The following NIPSNAP3B variants were observed in gnomAD, a reference collection of about 807,000 sequenced individuals.
The protein encoded by NIPSNAP3B is nipsnap homolog 3B.
NIPSNAP3B carries 30 observed loss-of-function variants against 31.5 expected under a neutral mutation model. The ratio of observed to expected loss-of-function variants is 0.95; its 90% CI spans 0.71 to 1.29. The LOEUF (loss-of-function observed/expected upper bound fraction) is 1.29, where lower values mean the gene tolerates loss of function less well. NIPSNAP3B is among the 50% of genes most tolerant of loss of function. The pLI is 0.00. For missense variants in NIPSNAP3B, 269 were observed against 300.7 expected (o/e 0.89, Z 0.78); for synonymous variants, 106 against 107.9 (o/e 0.98, Z 0.11).
downstream of NIPSNAP3B, among the ~76,000 whole-genome samples, chr9:104,780,544 G>A (rs1280512483): frequency 1.3e-5 from 2 of 152,202 alleles, no homozygotes; most frequent in Non-Finnish European, 2.9e-5. Context: ...TATCATTTCT[G>A]TTTCCATATC....
At chr9:104,764,390 G>A in intron 1 of NIPSNAP3B, 90 bp downstream of exon 1, 1 of 1,197,126 alleles carries the variant, frequency 8.4e-7, no homozygotes, top group Non-Finnish European at 1.1e-6. Context: ...ACGCTCAGGC[G>A]CTCCCAGACC....
At chr9:104,788,018 T>G in the NIPSNAP3B span, 1 of 1,614,178 alleles carries the variant, frequency 6.2e-7, no homozygotes. Flanking sequence ...TCTCCATACT[T>G]CACGAGGCCC....
the NIPSNAP3B span, among the ~76,000 whole-genome samples, chr9:104,790,105 A>AAC: frequency 6.6e-6 from 1 of 152,010 alleles, no homozygotes; most frequent in African/African-American, 2.4e-5. Context: ...TCAAAAAAAA[A>AAC]AAAGCCCAGA....
downstream of NIPSNAP3B, among the ~76,000 whole-genome samples, chr9:104,779,378 T>C (rs1035057444): frequency 6.6e-6 from 1 of 152,184 alleles, no homozygotes; most frequent in Non-Finnish European, 1.5e-5. Flanking sequence ...AATAAATATT[T>C]GTTAAATTAA....
Position 104,777,153 on chromosome 9 carries a change from C to A in NIPSNAP3B, c.*4080C>A, listed in dbSNP as rs575441928. ...GAAGAGAAACAGATATGCAACCAAT[C>A]TGATTTGGTTCCACACCCTGCCACA... On this transcript the variant is annotated 3_prime_UTR_variant, in exon 6 of 6. Coordinates refer to ENST00000374762, the MANE Select transcript of NIPSNAP3B (RefSeq NM_018376.4). 6.6e-6 allele frequency: 1 copy of A among 152,204 alleles called. No individual in the cohort carries two copies. Among genetic ancestry groups the A allele is most frequent in the African/African-American group, 2.4e-5 (1 of 41,426 alleles). The allele number at this position is 152,204 out of a possible 1,614,324, so 9.4% of individuals were successfully genotyped here.
chr9:104,789,614 T>C, the NIPSNAP3B span, among the ~76,000 whole-genome samples: 4 of 152,092 alleles, frequency 2.6e-5, no homozygotes, highest in Non-Finnish European at 5.9e-5. Context: ...CAGTATAAGG[T>C]AGAATAAGAA....
At chr9:104,772,712 C>G in intron 4 of NIPSNAP3B, 110 bp from the exon 5 acceptor site, 3 of 1,315,046 alleles carry the variant, frequency 2.3e-6, no homozygotes, top group Non-Finnish European at 3.2e-6. Context: ...TTAGTTTTAC[C>G]TTTTGATTTT....
chr9:104,785,372 T>C, the NIPSNAP3B span: 1 of 1,613,512 alleles, frequency 6.2e-7, no homozygotes, highest in Non-Finnish European at 8.5e-7. Flanking sequence ...GAGAAGTAAA[T>C]CTGTTTTGAC....
chr9:104,770,837 T>C lies in NIPSNAP3B; in HGVS notation c.431-12T>C. ...GTCTTCTGTGAAATAATTATTTTTC[T>C]CCCTATTCTAGGAGTCTATGAACTA... On this transcript the variant is annotated splice_polypyrimidine_tract_variant and intron_variant, in intron 3 of 5. Transcript: ENST00000374762. 1 of 1,608,192 alleles carries C rather than the reference T, an allele frequency of 6.2e-7. No homozygotes were observed. The highest frequency in any genetic ancestry group is 8.5e-7 in the Non-Finnish European group (1 of 1,177,168).
At chr9:104,788,909 C>T in the NIPSNAP3B span, among the ~76,000 whole-genome samples, 1 of 152,166 alleles carries the variant, frequency 6.6e-6, no homozygotes, top group Non-Finnish European at 1.5e-5. Context: ...CGCTAAGGCC[C>T]CATCCTAGAC....
chr9:104,785,922 C>G, the NIPSNAP3B span, among the ~76,000 whole-genome samples: 3 of 152,228 alleles, frequency 2.0e-5, no homozygotes, highest in Non-Finnish European at 4.4e-5. Flanking sequence ...TAGTCACTTG[C>G]CCATGGCTCA....
In NIPSNAP3B at chr9:104,777,589, C is replaced by T. The variant is rs1828362974; in HGVS notation, c.*4516C>T. On this transcript the variant is annotated 3_prime_UTR_variant, in exon 6 of 6. Coordinates refer to ENST00000374762, the MANE Select transcript of NIPSNAP3B (RefSeq NM_018376.4). The stretch of plus-strand genomic sequence containing the variant: ...ATCACAGGCTTCTGCCTTGAAAGGG[C>T]AAGTCCGTGGTGGTCATGAACCACC... 1 of 152,240 alleles carries T rather than the reference C, an allele frequency of 6.6e-6. No homozygotes were observed. The highest frequency in any genetic ancestry group is 6.5e-5 in the Admixed American group (1 of 15,282). 9.4% of individuals were successfully genotyped at this position (152,240 alleles called of 1,614,324 possible).
At chr9:104,782,700 T>G (rs1199012286), downstream of NIPSNAP3B, 2 of 152,216 alleles carry the variant, frequency 1.3e-5, no homozygotes, top group South Asian at 4.1e-4. Flanking sequence ...ATCCAATATC[T>G]GCAAAGCCAA....
downstream of NIPSNAP3B, among the ~76,000 whole-genome samples, chr9:104,777,973 T>G (rs1828371972): frequency 6.6e-6 from 1 of 152,172 alleles, no homozygotes; most frequent in African/African-American, 2.4e-5. Flanking sequence ...CTCATTTACA[T>G]TCCTTACTCA....
At chr9:104,769,142 T>C (rs1828153049) in intron 3 of NIPSNAP3B, 121 bp downstream of exon 3, 1 of 689,336 alleles carries the variant, frequency 1.5e-6, no homozygotes, top group South Asian at 3.6e-5. Flanking sequence ...TAATAATATA[T>C]GATGAGTCTG....
rs1828357599 is a variant in NIPSNAP3B at position 104,777,325 on chromosome 9, G to T, written c.*4252G>T. On this transcript the variant is annotated 3_prime_UTR_variant, in exon 6 of 6. Transcript: ENST00000374762. ...TAGTACTTTCTGTCTTCAAAGGAGGGTGAACCTGGAGTATGTTGGAAGAAG... is the reference window on the plus strand; with the variant it reads ...TAGTACTTTCTGTCTTCAAAGGAGGTTGAACCTGGAGTATGTTGGAAGAAG... 6.6e-6 allele frequency: 1 copy of T among 152,230 alleles called. No individual in the cohort carries two copies. Among genetic ancestry groups the T allele is most frequent in the African/African-American group, 2.4e-5 (1 of 41,460 alleles). 9.4% of individuals were successfully genotyped at this position (152,230 alleles called of 1,614,324 possible).
At chr9:104,785,526 T>C in the NIPSNAP3B span, 26 of 1,613,542 alleles carry the variant, frequency 1.6e-5, no homozygotes, top group Non-Finnish European at 2.2e-5. Context: ...CATGTTCCGG[T>C]GTTTCTCTTT....
rs747360128 is a variant in NIPSNAP3B at position 104,770,948 on chromosome 9, A to T, written c.530A>T (p.Tyr177Phe). Reference sequence around the variant, plus strand: ...ATTAATGCCCATGTCAATTTAGGCTACACAAAAGTAGTTGGTGTTTTCCAC... The same window carrying T: ...ATTAATGCCCATGTCAATTTAGGCTTCACAAAAGTAGTTGGTGTTTTCCAC... The part of the protein sequence containing the change: ...RAINAHVNLG[Y>F]TKVVGVFHTE... The change falls in exon 4 of 6, where the codon TAC (tyrosine) becomes TTC (phenylalanine). Residue 177 changes from tyrosine (Y) to phenylalanine (F), a missense_variant. Transcript: ENST00000374762. 1.9e-6 allele frequency: 3 copies of T among 1,614,006 alleles called. No individual in the cohort carries two copies. Among genetic ancestry groups the T allele is most frequent in the Admixed American group, 3.3e-5 (2 of 60,028 alleles).
chr9:104,775,759 T>C lies in NIPSNAP3B; in HGVS notation c.*2686T>C, dbSNP rs1418258290. Among the ~76,000 whole-genome samples, 2 of 152,222 alleles carry C rather than the reference T, an allele frequency of 1.3e-5. No homozygotes were observed. Among genetic ancestry groups the C allele is most frequent in the Non-Finnish European group, 2.9e-5 (2 of 68,028 alleles). ...TCTTGATCTTTAACCAGAAACTTTA[T>C]CTCAGCTATTGGCAACTCCAGGTTT... On this transcript the variant is annotated 3_prime_UTR_variant, in exon 6 of 6. Transcript: ENST00000374762.
Sources: gnomAD v4.1 joint callset for allele counts (sites outside exome capture counted in the v4.1 genomes callset) on GRCh38, gnomAD v4.1.1 for gene constraint, MANE v1.5 for transcripts, NCBI Gene and HGNC (gene_info 2026-07-23, HGNC 2026-07-21) for gene names.